Variants in SGCD observed in about 807,000 individuals in gnomAD.
SGCD encodes the protein sarcoglycan delta, also known as delta-sarcoglycan.
SGCD carries 18 observed loss-of-function variants against 36.6 expected under a neutral mutation model. The ratio of observed to expected loss-of-function variants is 0.49; its 90% confidence interval spans 0.34 to 0.73. The LOEUF is 0.73. SGCD is among the 30% of genes least tolerant of loss of function. SGCD has a pLI of 0.01. For synonymous variants in SGCD, 133 were observed against 130.6 expected, an observed-to-expected ratio of 1.02 and a Z score of -0.12; for missense variants, 387 against 346.7, an observed-to-expected ratio of 1.12 and a Z score of -0.92.
At chr5:155,868,708 G>A (rs1454374777), upstream of SGCD, among the ~76,000 whole-genome samples, 4 of 152,126 alleles carry the variant, frequency 2.6e-5, no homozygotes, top group Admixed American at 6.6e-5. Flanking sequence ...TTAATAACTG[G>A]AGTGATTTAA....
the SGCD span, among the ~76,000 whole-genome samples, chr5:155,822,186 T>A: frequency 1.4e-4 from 21 of 152,090 alleles, no homozygotes; most frequent in Admixed American, 6.6e-5. Context: ...AATTCTAGAG[T>A]CAGCTCCTAA....
At chr5:155,853,572 G>A in the SGCD span, among the ~76,000 whole-genome samples, 25 of 152,018 alleles carry the variant, frequency 1.6e-4, no homozygotes, top group Non-Finnish European at 2.2e-4. Flanking sequence ...ATTAAAAGTC[G>A]CCAGGTTGCT....
intron 1 of SGCD, among the ~76,000 whole-genome samples, chr5:156,069,300 A>G (rs893200574): frequency 1.3e-5 from 2 of 152,116 alleles, no homozygotes; most frequent in African/African-American, 4.8e-5. Context: ...TAATTTTTGT[A>G]TAAGGTGTAG....
At chr5:155,754,158 C>T in the SGCD span, among the ~76,000 whole-genome samples, 2 of 152,166 alleles carry the variant, frequency 1.3e-5, no homozygotes, top group Non-Finnish European at 2.9e-5. Context: ...TTGCTCTTGA[C>T]CTGGCAGGGA....
intron 3 of SGCD, among the ~76,000 whole-genome samples, chr5:156,197,947 G>A (rs1581163133): frequency 6.6e-6 from 1 of 152,226 alleles, no homozygotes; most frequent in South Asian, 2.1e-4. Context: ...ATAGAGGAGG[G>A]AGGAAGCCGG....
At chr5:156,423,340 A>T (rs1377475781) in intron 3 of SGCD, among the ~76,000 whole-genome samples, 1 of 12,836 alleles carries the variant, frequency 7.8e-5, no homozygotes, top group Non-Finnish European at 1.2e-4. Flanking sequence ...TTATAATATA[A>T]TATATTATAA....
intron 3 of SGCD, among the ~76,000 whole-genome samples, chr5:156,188,665 A>C (rs1763818509): frequency 6.7e-5 from 8 of 118,558 alleles, no homozygotes; most frequent in African/African-American, 2.8e-4. Context: ...GACCACCCCA[A>C]CCGCCCCCCC....
chr5:156,473,315 A>G lies in SGCD; in HGVS notation c.193-35286A>G, dbSNP rs146193879. Among the ~76,000 whole-genome samples the G allele has an allele frequency of 4.3e-3, 649 of 152,334 alleles. 1 individual carries two copies. The highest frequency in any genetic ancestry group is 0.015 in the African/African-American group (622 of 41,588). ...AGTTTCCATGGAGATACCTCCCAACAAAACTATCATACGTTGCAAATATTA... is the reference window on the plus strand; with the variant it reads ...AGTTTCCATGGAGATACCTCCCAACGAAACTATCATACGTTGCAAATATTA... On this transcript the variant is annotated intron_variant, in intron 3 of 8. Transcript: ENST00000337851.
rs180981773 is a variant in SGCD, at chr5:156,382,603, T to C, written c.192+37926T>C. ...ATGAGGGGTTTAAAATAAAAAGTAA[T>C]AAAAATCAGGGACACGTGTGTGACA... On this transcript the variant is annotated intron_variant, in intron 3 of 8. Coordinates refer to ENST00000337851, the MANE Select transcript of SGCD (RefSeq NM_000337.6). Among the ~76,000 whole-genome samples the C allele has an allele frequency of 3.6e-3, 544 of 152,230 alleles. 3 individuals carry two copies. Among genetic ancestry groups the C allele is most frequent in the African/African-American group, 0.013 (526 of 41,566 alleles).
intron 7 of SGCD, among the ~76,000 whole-genome samples, chr5:156,653,434 G>A (rs1156645173): frequency 7.8e-6 from 1 of 128,656 alleles, no homozygotes; most frequent in Non-Finnish European, 1.6e-5. Flanking sequence ...GGGGTAGCTT[G>A]TAATGTCACC....
the SGCD span, among the ~76,000 whole-genome samples, chr5:155,734,785 A>G: frequency 6.6e-6 from 1 of 152,206 alleles, no homozygotes; most frequent in Non-Finnish European, 1.5e-5. Context: ...TGTTTCATAG[A>G]TCCATCCCCT....
At chr5:155,936,176 G>A (rs1347478690) in intron 1 of SGCD, among the ~76,000 whole-genome samples, 1 of 152,188 alleles carries the variant, frequency 6.6e-6, no homozygotes, top group Non-Finnish European at 1.5e-5. Context: ...CTCGGCATCT[G>A]CAATGTGGCG....
intron 3 of SGCD, among the ~76,000 whole-genome samples, chr5:156,351,233 T>G (rs529566652): frequency 5.1e-4 from 77 of 152,310 alleles, no homozygotes; most frequent in Non-Finnish European, 2.5e-4. Context: ...AAGCATTTAG[T>G]ATAAACTTAA....
intron 1 of SGCD, among the ~76,000 whole-genome samples, chr5:155,976,160 G>A (rs1177915761): frequency 6.6e-6 from 1 of 152,060 alleles, no homozygotes; most frequent in African/African-American, 2.4e-5. Flanking sequence ...CAGAATAATG[G>A]TTACTTCTGA....
At chr5:155,730,311 T>C in the SGCD span, among the ~76,000 whole-genome samples, 3 of 152,294 alleles carry the variant, frequency 2.0e-5, no homozygotes, top group South Asian at 6.2e-4. Context: ...AGTAACTTCT[T>C]CATGAGTAAC....
intron 3 of SGCD, among the ~76,000 whole-genome samples, chr5:156,220,744 C>A (rs1764698396): frequency 6.6e-6 from 1 of 152,150 alleles, no homozygotes; most frequent in Non-Finnish European, 1.5e-5. Context: ...ATATCAGCCC[C>A]TCTCCCACCT....
chr5:156,159,067 A>T (rs112637141), intron 3 of SGCD, among the ~76,000 whole-genome samples: 2 of 151,738 alleles, frequency 1.3e-5, no homozygotes, highest in East Asian at 3.9e-4. Context: ...TCATTCCTCA[A>T]CTTTTATTAG....
chr5:156,140,825 A>T (rs773619552), intron 3 of SGCD, among the ~76,000 whole-genome samples: 3 of 152,226 alleles, frequency 2.0e-5, no homozygotes, highest in Non-Finnish European at 4.4e-5. Context: ...ATTAGTATGG[A>T]TAGAAGTTAG....
the SGCD span, among the ~76,000 whole-genome samples, chr5:155,796,455 A>G: frequency 6.6e-6 from 1 of 152,072 alleles, no homozygotes; most frequent in East Asian, 1.9e-4. Context: ...AAAGCAGTGA[A>G]TAGATGATAA....
Sources: allele counts gnomAD v4.1 joint callset (sites outside exome capture counted in the v4.1 genomes callset), GRCh38; gene constraint gnomAD v4.1.1; transcripts MANE v1.5; gene names NCBI Gene and HGNC (gene_info 2026-07-23, HGNC 2026-07-21).